Variants in NPRL3 observed in about 807,000 individuals in gnomAD.
NPRL3 encodes the protein NPR3 like, GATOR1 complex subunit.
Under a neutral mutation model 57.2 loss-of-function variants are expected in NPRL3, and 23 were observed. The ratio of observed to expected loss-of-function variants is 0.40; its 90% CI spans 0.29 to 0.57. The LOEUF (loss-of-function observed/expected upper bound fraction) is 0.57. Among genes scored for constraint, NPRL3 ranks in the 20% least tolerant of loss-of-function variants. The pLI, the probability that NPRL3 is intolerant of heterozygous loss-of-function variation, is 0.42. For synonymous variants in NPRL3, 333 were observed against 321.1 expected (o/e 1.04, Z -0.39); for missense variants, 691 against 767.1 (o/e 0.90, Z 1.17).
chr16:101,691 G>T (rs1899306452), intron 7 of NPRL3, among the ~76,000 whole-genome samples: 2 of 152,100 alleles, frequency 1.3e-5, no homozygotes, highest in African/African-American at 4.8e-5. Flanking sequence ...ACTCCCACCT[G>T]GGCAGTCCCA....
chr16:132,223 G>C (rs950214166), intron 2 of NPRL3, among the ~76,000 whole-genome samples: 1 of 152,022 alleles, frequency 6.6e-6, no homozygotes, highest in African/African-American at 2.4e-5. Flanking sequence ...GCACAGGTTG[G>C]TCTCGAACTC....
chr16:96,667 A>G (rs1899020679), intron 9 of NPRL3, among the ~76,000 whole-genome samples: 1 of 150,714 alleles, frequency 6.6e-6, no homozygotes, highest in Non-Finnish European at 1.5e-5. Flanking sequence ...AAAAAAAAAA[A>G]AAATATTAGC....
chr16:95,350 T>TATACACACACACAC (rs1223611120), intron 9 of NPRL3, among the ~76,000 whole-genome samples: 1 of 110,990 alleles, frequency 9.0e-6, no homozygotes, highest in African/African-American at 3.7e-5. Flanking sequence ...TATATATATA[T>TATACACACACACAC]ACACACACAC....
chr16:116,518 C>G (rs1279731744), intron 5 of NPRL3, among the ~76,000 whole-genome samples: 1 of 152,072 alleles, frequency 6.6e-6, no homozygotes, highest in Admixed American at 6.5e-5. Context: ...ACAAGGCAGG[C>G]CTGTCTTAAA....
chr16:115,235 G>A (rs1052796446), intron 5 of NPRL3, among the ~76,000 whole-genome samples: 4 of 151,864 alleles, frequency 2.6e-5, no homozygotes, highest in East Asian at 1.9e-4. Context: ...TTGGCCTCCC[G>A]AAGTGCTAGG....
Position 89,862 on chromosome 16 carries a change from C to T in NPRL3, c.1202G>A (p.Arg401Gln), listed in dbSNP as rs868451771. The T allele has an allele frequency of 5.1e-6, 8 of 1,562,526 alleles. No individual in the cohort carries two copies. The highest frequency in any genetic ancestry group is 1.4e-5 in the African/African-American group (1 of 73,570). The change falls in exon 12 of 14, where the codon CGG becomes CAG. Residue 401 changes from arginine to glutamine, a missense_variant. Coordinates refer to ENST00000611875, the MANE Select transcript of NPRL3 (RefSeq NM_001077350.3). Reference protein sequence around the residue: ...IQMVVWMLQRRLLIQLHTYVC... With the variant: ...IQMVVWMLQRQLLIQLHTYVC... ...ATAGGTGTGCAGCTGGATGAGAAGC[C>T]GGCGCTGCAGCATCCACACCACCAT...
At chr16:123,862 G>C (rs1299033895) in intron 3 of NPRL3, among the ~76,000 whole-genome samples, 1 of 135,754 alleles carries the variant, frequency 7.4e-6, no homozygotes, top group African/African-American at 2.9e-5. Context: ...CTGAGAAAGA[G>C]GGTCACACAC....
At chr16:92,296 T>A (rs1056221835) in intron 11 of NPRL3, among the ~76,000 whole-genome samples, 4 of 152,038 alleles carry the variant, frequency 2.6e-5, no homozygotes, top group Non-Finnish European at 5.9e-5. Context: ...CCAGAAAAGG[T>A]AAGCACTCTC....
chr16:115,571 C>T (rs1229920567), intron 5 of NPRL3, among the ~76,000 whole-genome samples: 4 of 151,718 alleles, frequency 2.6e-5, no homozygotes, highest in African/African-American at 9.7e-5. Flanking sequence ...CTGCAACCTC[C>T]GCCTCCCGGA....
intron 7 of NPRL3, among the ~76,000 whole-genome samples, chr16:103,295 G>GATT (rs1899380277): frequency 6.3e-5 from 1 of 15,894 alleles, no homozygotes; most frequent in African/African-American, 2.8e-4. Flanking sequence ...CGCCTGGGGT[G>GATT]ATTTTTTTTT....
intron 6 of NPRL3, among the ~76,000 whole-genome samples, chr16:111,345 A>T (rs1899802284): frequency 6.6e-6 from 1 of 152,178 alleles, no homozygotes; most frequent in South Asian, 2.1e-4. Context: ...GCTTGCAGTG[A>T]GCAGAGATCA....
At position 100,425 on chromosome 16, in the gene NPRL3, C is replaced by T. The variant is rs751260495; in HGVS notation, c.714G>A (p.Ala238=). 7.5e-6 allele frequency: 12 copies of T among 1,604,542 alleles called. No individual in the cohort carries two copies. The highest frequency in any genetic ancestry group is 2.7e-5 in the African/African-American group (2 of 74,140). The part of the protein sequence containing the change: ...SFCLPHKIHY[A]ASSLIPPEAI... ...CCTCTGGGGGGATCAGACTGGAGGC[C>T]GCATAGTGGATCTTGTGGGGCAGGC... The change falls in exon 8 of 14, where the codon GCG becomes GCA. Residue 238 remains alanine (A), a synonymous_variant. Transcript: ENST00000611875.
rs1596548801 is a variant in NPRL3, at chr16:138,524, G to GCAGCGCCACAGTTA, written c.-68+117_-68+118insTAACTGTGGCGCTG. On this transcript the variant is annotated intron_variant, in intron 1 of 13. Transcript: ENST00000611875. ...GAGGGCAGGGGTGGAGGCGGAGGGGGCCTGAGTAGGGCAGGGGTGGAGGCG... is the reference window on the plus strand; with the variant it reads ...GAGGGCAGGGGTGGAGGCGGAGGGGGCAGCGCCACAGTTACCTGAGTAGGGCAGGGGTGGAGGCG... 10 of 20,396 alleles carry GCAGCGCCACAGTTA rather than the reference G, an allele frequency of 4.9e-4. 5 individuals carry two copies. The highest frequency in any genetic ancestry group is 4.5e-3 in the South Asian group (2 of 442). The allele number at this position is 20,396 out of a possible 1,614,324, so 1.3% of individuals were successfully genotyped here. A position where few individuals can be genotyped will look rare whatever the true frequency, so the allele number is the denominator to read the frequency against.
intron 3 of NPRL3, among the ~76,000 whole-genome samples, chr16:122,957 G>A (rs1189360053): frequency 6.6e-6 from 1 of 152,194 alleles, no homozygotes; most frequent in Non-Finnish European, 1.5e-5. Flanking sequence ...AGAGTCGCCC[G>A]TCATCCGTGC....
intron 3 of NPRL3, chr16:123,461 C>T: frequency 2.1e-6 from 1 of 469,938 alleles, no homozygotes; most frequent in Non-Finnish European, 4.4e-6. Context: ...GAAGAGAAGG[C>T]AGCCGGAATC....
intron 3 of NPRL3, among the ~76,000 whole-genome samples, chr16:120,386 A>G (rs983719779): frequency 6.6e-6 from 1 of 152,090 alleles, no homozygotes; most frequent in African/African-American, 2.4e-5. Context: ...TGGTGAAGGG[A>G]TGGGAGAGAC....
intron 3 of NPRL3, among the ~76,000 whole-genome samples, chr16:121,692 T>C (rs1028641048): frequency 6.6e-6 from 1 of 152,194 alleles, no homozygotes; most frequent in South Asian, 2.1e-4. Flanking sequence ...GGGTGGTAGT[T>C]AGCCATTGTT....
chr16:103,274 G>A (rs934036923), intron 7 of NPRL3, among the ~76,000 whole-genome samples: 6 of 131,138 alleles, frequency 4.6e-5, no homozygotes, highest in African/African-American at 5.9e-5. Flanking sequence ...GACTACAGAC[G>A]TGCAACATCA....
At chr16:87,673 C>T (rs1301873753) in intron 13 of NPRL3, among the ~76,000 whole-genome samples, 1 of 151,884 alleles carries the variant, frequency 6.6e-6, no homozygotes, top group East Asian at 1.9e-4. Flanking sequence ...GCCTTCAGGC[C>T]ATTCTCCTGC....
Sources: gnomAD v4.1 joint callset for allele counts (sites outside exome capture counted in the v4.1 genomes callset) on GRCh38, gnomAD v4.1.1 for gene constraint, MANE v1.5 for transcripts, NCBI Gene and HGNC (gene_info 2026-07-23, HGNC 2026-07-21) for gene names.